Variants in FAF1 observed in about 807,000 individuals in gnomAD.
The protein encoded by FAF1 is Fas associated factor 1, also known as FAS-associated factor 1.
A neutral mutation model predicts 92.5 loss-of-function variants in FAF1; 25 were observed. That is an observed-to-expected ratio of 0.27 (90% CI 0.20 to 0.38). The LOEUF (loss-of-function observed/expected upper bound fraction) is 0.38, where lower values mean the gene tolerates loss of function less well. FAF1 is among the 10% of genes least tolerant of loss of function. FAF1 has a pLI of 1.00. For synonymous variants in FAF1, 234 were observed against 273.2 expected (o/e 0.86, Z 1.42); for missense variants, 636 against 793.3 (o/e 0.80, Z 2.38).
chr1:50,452,078 G>A lies in FAF1; in HGVS notation c.1870-10555C>T, dbSNP rs371420781. On this transcript the variant is annotated intron_variant, in intron 18 of 18. Transcript: ENST00000396153. Reference sequence around the variant, plus strand: ...AGAATGGAATGGGGAGGAAAAAACCGTCTTAGTCTAAAAACAGGAGATGAT... The same window carrying A: ...AGAATGGAATGGGGAGGAAAAAACCATCTTAGTCTAAAAACAGGAGATGAT... 2.9e-4 allele frequency: 387 copies of A among 1,338,054 alleles called. 1 individual carries two copies. Among genetic ancestry groups the A allele is most frequent in the African/African-American group, 2.6e-3 (174 of 66,822 alleles). The allele number at this position is 1,338,054 out of a possible 1,614,324, so 82.9% of individuals were successfully genotyped here. A position where few individuals can be genotyped will look rare whatever the true frequency, so the allele number is the denominator to read the frequency against.
intron 18 of FAF1, among the ~76,000 whole-genome samples, chr1:50,455,067 G>C (rs1012528660): frequency 7.9e-5 from 12 of 152,190 alleles, no homozygotes; most frequent in Non-Finnish European, 1.2e-4. Flanking sequence ...TCCTACAGCA[G>C]GCAGACTCCG....
intron 14 of FAF1, among the ~76,000 whole-genome samples, chr1:50,539,328 T>C (rs1474780388): frequency 6.6e-6 from 1 of 152,222 alleles, no homozygotes; most frequent in Non-Finnish European, 1.5e-5. Flanking sequence ...ATTGATAGAT[T>C]ATACAATTTA....
At chr1:50,832,935 G>A (rs1357450061) in intron 2 of FAF1, among the ~76,000 whole-genome samples, 27 of 152,046 alleles carry the variant, frequency 1.8e-4, no homozygotes, top group Admixed American at 1.8e-3. Context: ...AGTCAACATA[G>A]GCTTCAAATC....
At position 50,536,233 on chromosome 1, in the gene FAF1, C is replaced by T. The variant is rs112902422; in HGVS notation, c.1406-776G>A. Reference sequence around the variant, plus strand: ...TTCTTTAATGTCATTTTATTCCAACCGAGTCCATAACAAACATATAGCACA... The same window carrying T: ...TTCTTTAATGTCATTTTATTCCAACTGAGTCCATAACAAACATATAGCACA... On this transcript the variant is annotated intron_variant, in intron 14 of 18. Transcript: ENST00000396153. Among the ~76,000 whole-genome samples the T allele has an allele frequency of 2.8e-3, 424 of 152,064 alleles. 4 individuals are homozygous for T. The highest frequency in any genetic ancestry group is 9.6e-3 in the African/African-American group (399 of 41,482).
rs184504954 is a variant in FAF1 at position 50,777,117 on chromosome 1, A to G, written c.367+10883T>C. 2.3e-3 allele frequency among the ~76,000 whole-genome samples: 355 copies of G among 152,074 alleles called. 1 individual carries two copies. Among genetic ancestry groups the G allele is most frequent in the African/African-American group, 8.3e-3 (346 of 41,502 alleles). Reference sequence around the variant, plus strand: ...ACAAAAATGATAATAATAAAAAATAAAATAAATAATATAGGCTGTCAAGTT... The same window carrying G: ...ACAAAAATGATAATAATAAAAAATAGAATAAATAATATAGGCTGTCAAGTT... On this transcript the variant is annotated intron_variant, in intron 4 of 18. Transcript: ENST00000396153.
At chr1:50,464,199 GTCTC>G (rs886411783) in intron 18 of FAF1, among the ~76,000 whole-genome samples, 3 of 152,108 alleles carry the variant, frequency 2.0e-5, no homozygotes, top group African/African-American at 7.2e-5. Flanking sequence ...AGATGGGGGT[GTCTC>G]TCTATGTTGC....
chr1:50,491,193 C>T (rs1177097018), intron 16 of FAF1, among the ~76,000 whole-genome samples: 1 of 152,230 alleles, frequency 6.6e-6, no homozygotes, highest in African/African-American at 2.4e-5. Context: ...TCCACTGAAA[C>T]TCCTACTCAC....
intron 4 of FAF1, among the ~76,000 whole-genome samples, chr1:50,749,770 C>A (rs1391490152): frequency 6.6e-6 from 1 of 150,738 alleles, no homozygotes; most frequent in Non-Finnish European, 1.5e-5. Context: ...TCCTGGATGA[C>A]AGAGTGAGAA....
intron 18 of FAF1, among the ~76,000 whole-genome samples, chr1:50,465,793 A>G (rs1429988591): frequency 2.0e-5 from 3 of 152,194 alleles, no homozygotes; most frequent in African/African-American, 7.2e-5. Context: ...ACCTGAAGGA[A>G]GTGAGAGCAT....
intron 18 of FAF1, among the ~76,000 whole-genome samples, chr1:50,467,814 T>A (rs1646517080): frequency 6.6e-6 from 1 of 152,162 alleles, no homozygotes; most frequent in African/African-American, 2.4e-5. Context: ...AAAGCAGGGA[T>A]TGAGTATTTT....
At chr1:50,480,433 A>G (rs965551728) in intron 17 of FAF1, among the ~76,000 whole-genome samples, 1 of 152,268 alleles carries the variant, frequency 6.6e-6, no homozygotes, top group Admixed American at 6.5e-5. Context: ...AACGGTTTAT[A>G]GCTGGCTGAG....
At chr1:50,775,665 G>C (rs986750500) in intron 4 of FAF1, among the ~76,000 whole-genome samples, 2 of 151,894 alleles carry the variant, frequency 1.3e-5, no homozygotes, top group Non-Finnish European at 2.9e-5. Flanking sequence ...ATATAGAAAA[G>C]ATGGACTAAA....
intron 1 of FAF1, among the ~76,000 whole-genome samples, chr1:50,896,852 G>A (rs984291236): frequency 2.0e-5 from 3 of 152,196 alleles, no homozygotes; most frequent in East Asian, 1.9e-4. Flanking sequence ...GAAGAGTTAC[G>A]GAGATGGATG....
intron 1 of FAF1, among the ~76,000 whole-genome samples, chr1:50,896,474 T>C (rs1196616925): frequency 6.6e-6 from 1 of 152,174 alleles, no homozygotes; most frequent in East Asian, 1.9e-4. Context: ...AATATCCACA[T>C]TCCCATGTTC....
chr1:50,611,528 T>C (rs894737900), intron 8 of FAF1, among the ~76,000 whole-genome samples: 1 of 152,196 alleles, frequency 6.6e-6, no homozygotes, highest in African/African-American at 2.4e-5. Flanking sequence ...TTTCTGCGGA[T>C]AGCAGATTTT....
chr1:50,771,965 CA>C (rs112038356), intron 4 of FAF1, among the ~76,000 whole-genome samples: 1 of 151,070 alleles, frequency 6.6e-6, no homozygotes, highest in Admixed American at 6.6e-5. Context: ...CTTCTAAATG[CA>C]AAAAAAATTG....
At chr1:50,612,952 T>A (rs560492251) in intron 8 of FAF1, among the ~76,000 whole-genome samples, 21 of 152,360 alleles carry the variant, frequency 1.4e-4, no homozygotes, top group African/African-American at 5.0e-4. Context: ...TGTGTTTAGG[T>A]GACTCTAAGG....
rs1648431812 is a variant in FAF1 at position 50,535,554 on chromosome 1, A to G, written c.1406-97T>C. 5 of 640,306 alleles carry G rather than the reference A, an allele frequency of 7.8e-6. No homozygotes were observed. In the Admixed American group the frequency reaches 8.2e-5, roughly 10 times the overall value. The allele number at this position is 640,306 out of a possible 1,614,324, so 39.7% of individuals were successfully genotyped here. On this transcript the variant is annotated intron_variant, in intron 14 of 18. Transcript: ENST00000396153. Reference sequence around the variant, plus strand: ...AAACTGGAAAGTCATTCTAGAATTAACCAGAAAGGAATAATCAGTCTAAAA... The same window carrying G: ...AAACTGGAAAGTCATTCTAGAATTAGCCAGAAAGGAATAATCAGTCTAAAA...
intron 5 of FAF1, among the ~76,000 whole-genome samples, chr1:50,743,995 C>T (rs1659492654): frequency 6.6e-6 from 1 of 151,922 alleles, no homozygotes; most frequent in East Asian, 1.9e-4. Context: ...TGCTTGAATC[C>T]AGGAGGCAGA....
Sources: allele counts gnomAD v4.1 joint callset (sites outside exome capture counted in the v4.1 genomes callset), GRCh38; gene constraint gnomAD v4.1.1; transcripts MANE v1.5; gene names NCBI Gene and HGNC (gene_info 2026-07-23, HGNC 2026-07-21).